ARK2C: variants seen among roughly 807,000 people sequenced by gnomAD.
The protein encoded by ARK2C is arkadia (RNF111) C-terminal like ring finger ubiquitin ligase 2C, also known as E3 ubiquitin-protein ligase ARK2C.
the ARK2C span, among the ~76,000 whole-genome samples, chr18:46,362,653 T>C: frequency 1.3e-5 from 2 of 152,272 alleles, no homozygotes; most frequent in Admixed American, 1.3e-4. Context: ...TTTCTTGGCC[T>C]TAGCCAGTGA....
At chr18:46,437,763 T>A in the ARK2C span, among the ~76,000 whole-genome samples, 1,353 of 152,230 alleles carry the variant, frequency 8.9e-3, 18 homozygotes, top group African/African-American at 0.03. Context: ...TTCTTTTCAC[T>A]CTCCTTCTTG....
the ARK2C span, chr18:46,447,448 C>T: frequency 3.6e-6 from 4 of 1,109,584 alleles, no homozygotes; most frequent in Admixed American, 1.9e-5. Context: ...AAGTTCCTTG[C>T]AGCTCTGGCA....
At chr18:46,453,796 T>C in the ARK2C span, among the ~76,000 whole-genome samples, 1 of 151,588 alleles carries the variant, frequency 6.6e-6, no homozygotes, top group Non-Finnish European at 1.5e-5. Flanking sequence ...GAAAGAGATA[T>C]GAAAGCAACA....
the ARK2C span, among the ~76,000 whole-genome samples, chr18:46,348,900 CTGTGTGTGTGTGTGTGTGTGTGTGTG>C: frequency 2.1e-5 from 3 of 144,598 alleles, no homozygotes; most frequent in African/African-American, 5.2e-5. Flanking sequence ...CTCTCTCTTT[CTGTGTGTGTGTGTGTGTGTGTGTGTG>C]TGTGTGTGTG....
chr18:46,343,262 T>A, the ARK2C span, among the ~76,000 whole-genome samples: 1 of 152,152 alleles, frequency 6.6e-6, no homozygotes, highest in Non-Finnish European at 1.5e-5. Context: ...TGGAGGCAGA[T>A]AAGAGAAGGC....
At chr18:46,437,520 C>T in the ARK2C span, among the ~76,000 whole-genome samples, 1 of 151,860 alleles carries the variant, frequency 6.6e-6, no homozygotes, top group Non-Finnish European at 1.5e-5. Flanking sequence ...CTAGGTCATT[C>T]CAGAAACTGG....
At chr18:46,363,086 C>G in the ARK2C span, among the ~76,000 whole-genome samples, 3 of 152,292 alleles carry the variant, frequency 2.0e-5, no homozygotes, top group South Asian at 6.2e-4. Context: ...ACTGCTATAT[C>G]CCCATTGTCT....
At chr18:46,450,804 G>A in the ARK2C span, 1 of 1,608,392 alleles carries the variant, frequency 6.2e-7, no homozygotes, top group Non-Finnish European at 8.5e-7. Flanking sequence ...AAGAAGGTGG[G>A]TCTGCCAGCA....
At chr18:46,417,968 C>A in the ARK2C span, among the ~76,000 whole-genome samples, 1 of 151,772 alleles carries the variant, frequency 6.6e-6, no homozygotes, top group Non-Finnish European at 1.5e-5. Context: ...CACACCACTG[C>A]ACTCCAGCCT....
chr18:46,407,357 G>A, the ARK2C span, among the ~76,000 whole-genome samples: 1 of 152,262 alleles, frequency 6.6e-6, no homozygotes, highest in African/African-American at 2.4e-5. Context: ...CCCATGGATA[G>A]CATGGGGATT....
chr18:46,456,646 T>C, the ARK2C span: 1 of 1,573,964 alleles, frequency 6.4e-7, no homozygotes, highest in Non-Finnish European at 8.7e-7. Context: ...AGGGAGGAAT[T>C]AGCCAGTGGA....
At chr18:46,422,547 G>A in the ARK2C span, among the ~76,000 whole-genome samples, 5 of 152,228 alleles carry the variant, frequency 3.3e-5, no homozygotes, top group Admixed American at 6.5e-5. Context: ...CAGCCCCACC[G>A]GCTTGCTCCC....
chr18:46,456,860 C>G, the ARK2C span: 5 of 528,906 alleles, frequency 9.5e-6, no homozygotes, highest in East Asian at 1.7e-4. Flanking sequence ...CCTGGCTGAG[C>G]AGGAGAGAGG....
chr18:46,440,322 A>G, the ARK2C span, among the ~76,000 whole-genome samples: 15 of 152,224 alleles, frequency 9.9e-5, no homozygotes, highest in African/African-American at 3.6e-4. Flanking sequence ...CATTTTTTGC[A>G]GTATATTGTT....
the ARK2C span, among the ~76,000 whole-genome samples, chr18:46,371,388 C>T: frequency 1.1e-3 from 161 of 152,244 alleles, no homozygotes; most frequent in African/African-American, 3.7e-3. Context: ...CCCAGGCCAG[C>T]GAGGAGGCTC....
At chr18:46,334,670 CCGTGTGTGTG>C in the ARK2C span, 103 of 293,100 alleles carry the variant, frequency 3.5e-4, no homozygotes, top group African/African-American at 2.9e-3. The surrounding 1 kb of genome is among the most constrained non-coding windows in gnomAD (Gnocchi z 4.4). Context: ...AGATACATGA[CCGTGTGTGTG>C]TGTGTGTGTG....
At chr18:46,360,116 A>T in the ARK2C span, among the ~76,000 whole-genome samples, 11 of 152,162 alleles carry the variant, frequency 7.2e-5, no homozygotes, top group Admixed American at 2.6e-4. Context: ...TCACAAGTCC[A>T]TGCAATGGCC....
At chr18:46,358,920 A>T in the ARK2C span, among the ~76,000 whole-genome samples, 1 of 151,820 alleles carries the variant, frequency 6.6e-6, no homozygotes, top group Non-Finnish European at 1.5e-5. Context: ...TCTCAGTCAC[A>T]CCCCCGGACT....
chr18:46,370,443 A>T, the ARK2C span, among the ~76,000 whole-genome samples: 13 of 152,280 alleles, frequency 8.5e-5, no homozygotes, highest in Non-Finnish European at 1.9e-4. Context: ...GCTGAGGTGG[A>T]TGGAGGAGGG....
Sources: allele counts gnomAD v4.1 joint callset (sites outside exome capture counted in the v4.1 genomes callset), GRCh38; gene constraint gnomAD v4.1.1; non-coding constraint Gnocchi (gnomAD v3.1); transcripts MANE v1.5; gene names NCBI Gene and HGNC (gene_info 2026-07-23, HGNC 2026-07-21).